BSN: variants seen among roughly 807,000 people sequenced by gnomAD.
The protein encoded by BSN is bassoon presynaptic cytomatrix protein.
Under a neutral mutation model 264.8 loss-of-function variants are expected in BSN, and 57 were observed. The observed-to-expected ratio is 0.22, with a 90% confidence interval of 0.17 to 0.27. The LOEUF (loss-of-function observed/expected upper bound fraction) is 0.27, where lower values mean the gene tolerates loss of function less well. BSN is among the 10% of genes least tolerant of loss of function. The pLI is 1.00. For synonymous variants in BSN, 2,059 were observed against 2,137.3 expected (o/e 0.96, Z 1.01); for missense variants, 4,615 against 5,232.5 (o/e 0.88, Z 3.64).
intron 1 of BSN, among the ~76,000 whole-genome samples, chr3:49,610,208 T>C (rs1382718884): frequency 6.6e-6 from 1 of 152,212 alleles, no homozygotes; most frequent in Non-Finnish European, 1.5e-5. Context: ...ACGTTCAAGT[T>C]CCCATGCTTT....
Position 49,652,886 on chromosome 3 carries a change from G to A in BSN, c.3330G>A (p.Arg1110=), listed in dbSNP as rs1422106731. 1 of 1,609,484 alleles carries A rather than the reference G, an allele frequency of 6.2e-7. No homozygotes were observed. ...ATGCCTCCCCGACGGAGGAGCTGAGGCAGGCGGCCGAGATGGAGGAGCTAC... is the reference window on the plus strand; with the variant it reads ...ATGCCTCCCCGACGGAGGAGCTGAGACAGGCGGCCGAGATGGAGGAGCTAC... ...IEDASPTEEL[R]QAAEMEELHR... Residue 1110 remains arginine (R), a synonymous_variant, in exon 5 of 12, where the codon AGG becomes AGA. Transcript: ENST00000296452.
In BSN at chr3:49,669,310, G is replaced by A. The variant is rs1232979041; in HGVS notation, c.*1825G>A. On this transcript the variant is annotated 3_prime_UTR_variant, in exon 12 of 12. Coordinates refer to ENST00000296452, the MANE Select transcript of BSN (RefSeq NM_003458.4). ...GCAGTTTTCTCTGTCCAGGACAGCA[G>A]GTAAAAAGGAATCCCCAGAGCAGAC... 1.3e-5 allele frequency: 2 copies of A among 152,660 alleles called. No individual in the cohort carries two copies. The highest frequency in any genetic ancestry group is 4.8e-5 in the African/African-American group (2 of 41,428). The allele number at this position is 152,660 out of a possible 1,614,324, so 9.5% of individuals were successfully genotyped here.
At chr3:49,565,950 G>A (rs746248943) in intron 1 of BSN, among the ~76,000 whole-genome samples, 1 of 152,134 alleles carries the variant, frequency 6.6e-6, no homozygotes, top group Non-Finnish European at 1.5e-5. Flanking sequence ...AGCCTCTCGA[G>A]TAGCTGGGAC....
Position 49,653,325 on chromosome 3 carries a change from T to C in BSN, c.3769T>C (p.Tyr1257His). 6 of 1,612,180 alleles carry C rather than the reference T, an allele frequency of 3.7e-6. No homozygotes were observed. Among genetic ancestry groups the C allele is most frequent in the Non-Finnish European group, 5.1e-6 (6 of 1,179,486 alleles). The change falls in exon 5 of 12, where the codon TAC becomes CAC. Residue 1257 changes from tyrosine (Y) to histidine (H), a missense_variant. Physicochemically the swap from Tyr to His is moderately conservative, Grantham distance 83. Transcript: ENST00000296452. This position sits in a 1 kb window ranked among gnomAD's most constrained non-coding sequence, Gnocchi z 6.3. ...GTPASLGAAV[Y>H]EEILQTSQSI... is the part of the protein sequence containing the mutation. ...GCCAGCCAGCCTGGGAGCAGCCGTG[T>C]ACGAAGAAATCCTTCAGACATCACA...
chr3:49,572,133 AC>A (rs1161258331), intron 1 of BSN, among the ~76,000 whole-genome samples: 1 of 152,210 alleles, frequency 6.6e-6, no homozygotes, highest in Non-Finnish European at 1.5e-5. Flanking sequence ...AACAGTGTTG[AC>A]CATTGGACTT....
At chr3:49,583,933 G>T (rs1167181428) in intron 1 of BSN, among the ~76,000 whole-genome samples, 1 of 152,142 alleles carries the variant, frequency 6.6e-6, no homozygotes, top group East Asian at 1.9e-4. Context: ...GAGTGCAGTG[G>T]CGCGATCTCG....
At chr3:49,598,935 A>G (rs185296655) in intron 1 of BSN, among the ~76,000 whole-genome samples, 1 of 152,266 alleles carries the variant, frequency 6.6e-6, no homozygotes, top group East Asian at 1.9e-4. Context: ...GGATATGCAC[A>G]TGTTTTGGAG....
chr3:49,573,193 T>G (rs757613426), intron 1 of BSN, among the ~76,000 whole-genome samples: 40 of 152,232 alleles, frequency 2.6e-4, no homozygotes, highest in Admixed American at 4.6e-4. Flanking sequence ...CCTGAGGCAG[T>G]GATGCCAGGT....
chr3:49,581,827 A>G (rs1193061273), intron 1 of BSN, among the ~76,000 whole-genome samples: 2 of 152,214 alleles, frequency 1.3e-5, no homozygotes, highest in African/African-American at 4.8e-5. Context: ...TGTCTCAAAA[A>G]AAAACCCAAA....
chr3:49,599,329 G>A (rs1323699145), intron 1 of BSN, among the ~76,000 whole-genome samples: 1 of 152,154 alleles, frequency 6.6e-6, no homozygotes, highest in Non-Finnish European at 1.5e-5. Flanking sequence ...GACCCCAAGA[G>A]GTATCTTCTT....
At chr3:49,608,270 GAC>G (rs1289893055) in intron 1 of BSN, among the ~76,000 whole-genome samples, 1 of 152,194 alleles carries the variant, frequency 6.6e-6, no homozygotes, top group Admixed American at 6.6e-5. Flanking sequence ...ACAGAGGAAA[GAC>G]TGCATAGTTG....
rs555615338 is a variant in BSN at position 49,660,585 on chromosome 3, T to A, written c.8740T>A (p.Ser2914Thr). The A allele has an allele frequency of 1.1e-4, 170 of 1,609,158 alleles. 1 individual carries two copies. In the African/African-American group the frequency reaches 1.2e-3, roughly 11 times the overall value. ...TCACCTTCCCCTGGCTGGCCAGGCCTCCCCACAGCTGTATGCAGCCAGCCT... is the reference window on the plus strand; with the variant it reads ...TCACCTTCCCCTGGCTGGCCAGGCCACCCCACAGCTGTATGCAGCCAGCCT... Reference protein sequence around the residue: ...EAHLPLAGQASPQLYAASLLQ... With the variant: ...EAHLPLAGQATPQLYAASLLQ... Residue 2914 changes from serine (S) to threonine (T), a missense_variant, in exon 6 of 12, where the codon TCC (serine) becomes ACC (threonine). By Grantham distance (58) the Ser-to-Thr change is moderately conservative. Coordinates refer to ENST00000296452, the MANE Select transcript of BSN (RefSeq NM_003458.4). This position sits in a 1 kb window ranked among gnomAD's most constrained non-coding sequence, Gnocchi z 7.1.
chr3:49,650,129 A>T (rs1344131967), intron 3 of BSN, among the ~76,000 whole-genome samples: 3 of 150,968 alleles, frequency 2.0e-5, no homozygotes. Context: ...GTGGGGAAGG[A>T]TGGAGTCAGA....
intron 1 of BSN, among the ~76,000 whole-genome samples, chr3:49,596,737 T>C (rs1039649746): frequency 6.6e-6 from 1 of 152,120 alleles, no homozygotes; most frequent in Non-Finnish European, 1.5e-5. Flanking sequence ...CATAGCACAC[T>C]ACAGCTTTGA....
chr3:49,658,449 C>G (rs2052629609), intron 5 of BSN, among the ~76,000 whole-genome samples: 1 of 152,190 alleles, frequency 6.6e-6, no homozygotes, highest in African/African-American at 2.4e-5. Flanking sequence ...CTAGAAGCTT[C>G]AGCCTCCTCC....
chr3:49,595,238 G>A (rs1490238249), intron 1 of BSN, among the ~76,000 whole-genome samples: 6 of 147,808 alleles, frequency 4.1e-5, no homozygotes, highest in Non-Finnish European at 8.9e-5. Context: ...TGTTGCCCAG[G>A]CTGGAGTGCA....
intron 1 of BSN, among the ~76,000 whole-genome samples, chr3:49,557,575 G>GTTTTTTT (rs765139121): frequency 7.5e-6 from 1 of 132,460 alleles, no homozygotes; most frequent in Non-Finnish European, 1.6e-5. Context: ...GCACCTGTCA[G>GTTTTTTT]TTTTTTTTTT....
In BSN at chr3:49,638,388, A is replaced by G. The variant is rs554907594; in HGVS notation, c.634-3880A>G. Among the ~76,000 whole-genome samples the G allele has an allele frequency of 6.6e-6, 1 of 152,300 alleles. No homozygotes were observed. Among genetic ancestry groups the G allele is most frequent in the South Asian group, 2.1e-4 (1 of 4,830 alleles). Reference sequence around the variant, plus strand: ...CCTCCATCCCCCTGAGTGTGGGGATAGGGGCCTTGCAGTATGGAGGAAGAG... The same window carrying G: ...CCTCCATCCCCCTGAGTGTGGGGATGGGGGCCTTGCAGTATGGAGGAAGAG... On this transcript the variant is annotated intron_variant, in intron 2 of 11. Transcript: ENST00000296452. The surrounding 1 kb of genome is among the most constrained non-coding windows in gnomAD (Gnocchi z 4.3).
intron 2 of BSN, among the ~76,000 whole-genome samples, chr3:49,626,369 AT>A (rs1347483971): frequency 4.6e-5 from 7 of 152,082 alleles, no homozygotes; most frequent in African/African-American, 1.7e-4. Context: ...CTGAGTGAGA[AT>A]AATTGTTCAC....
Sources: allele counts gnomAD v4.1 joint callset (sites outside exome capture counted in the v4.1 genomes callset), GRCh38; gene constraint gnomAD v4.1.1; non-coding constraint Gnocchi (gnomAD v3.1); transcripts MANE v1.5; gene names NCBI Gene and HGNC (gene_info 2026-07-23, HGNC 2026-07-21).